The following RBFOX1 variants were observed in gnomAD, a reference collection of about 807,000 sequenced individuals.
RBFOX1 encodes the protein RNA binding fox-1 homolog 1, also known as RNA binding protein fox-1 homolog 1.
RBFOX1 carries 8 observed loss-of-function variants against 57.7 expected under a neutral mutation model. The observed-to-expected ratio is 0.14, with a 90% CI of 0.08 to 0.25. The LOEUF is 0.25. Among genes scored for constraint, RBFOX1 ranks in the 10% least tolerant of loss-of-function variants. RBFOX1 has a pLI of 1.00. For missense variants in RBFOX1, 611 were observed against 548.5 expected, an observed-to-expected ratio of 1.11 and a Z score of -1.14; for synonymous variants, 326 against 222.4, an observed-to-expected ratio of 1.47 and a Z score of -4.15.
chr16:6,652,228 A>G (rs1338166840), intron 2 of RBFOX1, among the ~76,000 whole-genome samples: 2 of 152,170 alleles, frequency 1.3e-5, no homozygotes, highest in East Asian at 3.9e-4. Context: ...AGGCGGGCAG[A>G]TCACTAGGTC....
At chr16:6,927,494 T>G (rs976188907) in intron 3 of RBFOX1, among the ~76,000 whole-genome samples, 4 of 151,616 alleles carry the variant, frequency 2.6e-5, no homozygotes, top group African/African-American at 9.7e-5. Flanking sequence ...GTTTCCTCTC[T>G]TTCTTTCCAC....
intron 1 of RBFOX1, among the ~76,000 whole-genome samples, chr16:6,134,563 A>G (rs543687992): frequency 6.6e-6 from 1 of 152,244 alleles, no homozygotes; most frequent in Admixed American, 6.5e-5. Flanking sequence ...AAGACATGAC[A>G]TTAGTTCTGC....
chr16:5,684,141 G>A (rs1017693612), intron 3 of RBFOX1, among the ~76,000 whole-genome samples: 1 of 152,170 alleles, frequency 6.6e-6, no homozygotes, highest in Non-Finnish European at 1.5e-5. Flanking sequence ...CTTGGCTCAA[G>A]CTAAGGCCAT....
chr16:6,819,523 G>A (rs1053716608), intron 3 of RBFOX1, among the ~76,000 whole-genome samples: 1 of 151,842 alleles, frequency 6.6e-6, no homozygotes, highest in South Asian at 2.1e-4. Context: ...GACCAGCATG[G>A]AGAAAACCCA....
chr16:7,040,325 T>C (rs1468559899), intron 3 of RBFOX1, among the ~76,000 whole-genome samples: 1 of 152,128 alleles, frequency 6.6e-6, no homozygotes, highest in Non-Finnish European at 1.5e-5. Context: ...GGCTGAGTTA[T>C]TTTATAGCCA....
At chr16:7,103,444 T>A (rs1053253449) in intron 4 of RBFOX1, among the ~76,000 whole-genome samples, 3 of 152,190 alleles carry the variant, frequency 2.0e-5, no homozygotes, top group Admixed American at 2.0e-4. Flanking sequence ...GAAGGCCACC[T>A]TCAGTCCTGC....
intron 4 of RBFOX1, among the ~76,000 whole-genome samples, chr16:7,216,395 C>A (rs1030935139): frequency 6.6e-6 from 1 of 152,082 alleles, no homozygotes; most frequent in African/African-American, 2.4e-5. Flanking sequence ...TGGCTCATGC[C>A]TGTAATCCCA....
Position 5,555,803 on chromosome 16 carries a change from C to T in RBFOX1, c.259-43099C>T, listed in dbSNP as rs959649261. On this transcript the variant is annotated intron_variant, in intron 2 of 2. Transcript: ENST00000585867. ...TTGGGAGGCCTAGGTGGGCGGATCA[C>T]CTGAGGTCGGGAGTTCGAGACGAGC... is the stretch of plus-strand genomic sequence containing the variant. Among the ~76,000 whole-genome samples, 4 of 151,826 alleles carry T rather than the reference C, an allele frequency of 2.6e-5. 1 individual carries two copies. In the South Asian group the frequency reaches 6.3e-4, roughly 24 times the overall value.
chr16:6,010,802 A>G lies in RBFOX1; in HGVS notation c.351+143467A>G, dbSNP rs562288016. 2.0e-4 allele frequency among the ~76,000 whole-genome samples: 30 copies of G among 152,304 alleles called. 1 individual carries two copies. The South Asian group carries it at 2.7e-3, about 14-fold the overall frequency. ...TTATCCATTTATTTATATTGCCCTC[A>G]TATTATCTACTTTATAGTCCTAAAA... On this transcript the variant is annotated intron_variant, in intron 4 of 19. Transcript: ENST00000641259.
intron 2 of RBFOX1, among the ~76,000 whole-genome samples, chr16:6,535,576 G>A (rs918147943): frequency 2.0e-5 from 3 of 152,188 alleles, no homozygotes; most frequent in African/African-American, 7.2e-5. Flanking sequence ...GTAAATGGCT[G>A]TCACAAATGC....
chr16:5,449,305 C>T (rs1366344523), intron 1 of RBFOX1, among the ~76,000 whole-genome samples: 3 of 152,214 alleles, frequency 2.0e-5, no homozygotes, highest in Admixed American at 2.0e-4. Context: ...ATCTGAGCCT[C>T]CTCAGAGAAG....
At chr16:7,040,350 C>T (rs967422545) in intron 3 of RBFOX1, among the ~76,000 whole-genome samples, 6 of 152,122 alleles carry the variant, frequency 3.9e-5, no homozygotes, top group African/African-American at 1.2e-4. Flanking sequence ...TAATCACATA[C>T]TTACTATGTG....
intron 3 of RBFOX1, among the ~76,000 whole-genome samples, chr16:6,928,198 A>G (rs1182125250): frequency 6.6e-6 from 1 of 152,102 alleles, no homozygotes; most frequent in African/African-American, 2.4e-5. Context: ...GTTAGAAAAG[A>G]TTGATGTCTG....
chr16:5,526,784 C>A (rs1357244984), intron 2 of RBFOX1, among the ~76,000 whole-genome samples: 1 of 152,232 alleles, frequency 6.6e-6, no homozygotes, highest in Non-Finnish European at 1.5e-5. Flanking sequence ...CTGGCACACA[C>A]TAGTGTCCAT....
intron 3 of RBFOX1, among the ~76,000 whole-genome samples, chr16:5,742,269 T>TCCC (rs2052798058): frequency 2.1e-5 from 3 of 143,368 alleles, no homozygotes; most frequent in African/African-American, 8.0e-5. Context: ...CCTTCTTTCC[T>TCCC]TTCTTCCTCC....
intron 10 of RBFOX1, among the ~76,000 whole-genome samples, chr16:7,616,526 A>G (rs970279686): frequency 6.6e-6 from 1 of 152,206 alleles, no homozygotes; most frequent in Admixed American, 6.5e-5. Flanking sequence ...GATCAAACCT[A>G]TATGGTGTGG....
chr16:7,226,413 C>G (rs760655175), intron 4 of RBFOX1, among the ~76,000 whole-genome samples: 5 of 152,146 alleles, frequency 3.3e-5, no homozygotes, highest in Non-Finnish European at 5.9e-5. Context: ...ACTACAGGCC[C>G]TCAGTTAAAA....
chr16:6,566,988 C>T (rs1290161091), intron 2 of RBFOX1, among the ~76,000 whole-genome samples: 1 of 152,144 alleles, frequency 6.6e-6, no homozygotes, highest in East Asian at 1.9e-4. Flanking sequence ...CCTGTCCCAG[C>T]TTAAATTGTG....
At chr16:5,485,689 A>T (rs1365585272) in intron 2 of RBFOX1, among the ~76,000 whole-genome samples, 4 of 152,242 alleles carry the variant, frequency 2.6e-5, no homozygotes, top group African/African-American at 7.2e-5. Context: ...TCTAAAGGCC[A>T]GATTTTTAAC....
Sources: gnomAD v4.1 joint callset for allele counts (sites outside exome capture counted in the v4.1 genomes callset) on GRCh38, gnomAD v4.1.1 for gene constraint, MANE v1.5 for transcripts, NCBI Gene and HGNC (gene_info 2026-07-23, HGNC 2026-07-21) for gene names.